GOLPH3: variants seen among roughly 807,000 people sequenced by gnomAD.
GOLPH3 encodes the protein coat protein GPP34.
A neutral mutation model predicts 28.5 loss-of-function variants in GOLPH3; 14 were observed. The observed-to-expected ratio is 0.49, with a 90% CI of 0.32 to 0.77. The LOEUF (loss-of-function observed/expected upper bound fraction) is 0.77. Among genes scored for constraint, GOLPH3 ranks in the 30% least tolerant of loss-of-function variants. The probability of loss-of-function intolerance (pLI) is 0.03; values close to 1 mark genes in which losing one functional copy is unlikely to be tolerated. For synonymous variants in GOLPH3, 158 were observed against 159.2 expected (o/e 0.99, Z 0.06); for missense variants, 350 against 393.7 (o/e 0.89, Z 0.94).
intron 2 of GOLPH3, among the ~76,000 whole-genome samples, chr5:32,138,170 G>C (rs1430159060): frequency 1.3e-5 from 2 of 152,048 alleles, no homozygotes; most frequent in Non-Finnish European, 2.9e-5. Flanking sequence ...CCAAAGTGCT[G>C]GGATTGCAAG....
chr5:32,142,972 G>A (rs1165397808), intron 2 of GOLPH3, among the ~76,000 whole-genome samples: 7 of 152,114 alleles, frequency 4.6e-5, no homozygotes, highest in African/African-American at 1.4e-4. Flanking sequence ...CACTGAGAAC[G>A]GGCCATGATG....
rs537119090 is a variant in GOLPH3, at chr5:32,148,963, G to A, written c.226-5083C>T. Among the ~76,000 whole-genome samples, 6 of 152,048 alleles carry A rather than the reference G, an allele frequency of 3.9e-5. No homozygotes were observed. The South Asian group carries it at 6.2e-4, about 16-fold the overall frequency. ...GCACCCCAGCCTGGGCAACAAGAGC[G>A]AAACTCCATCTCAAAAAAAAAGAAA... On this transcript the variant is annotated intron_variant, in intron 1 of 3. Transcript: ENST00000265070.
At chr5:32,136,927 C>G (rs929715478) in intron 2 of GOLPH3, among the ~76,000 whole-genome samples, 8 of 152,100 alleles carry the variant, frequency 5.3e-5, no homozygotes, top group African/African-American at 1.9e-4. Context: ...AACTTGCTAA[C>G]AAATTATAGA....
chr5:32,148,579 C>CTT (rs2111865208), intron 1 of GOLPH3, among the ~76,000 whole-genome samples: 1 of 152,262 alleles, frequency 6.6e-6, no homozygotes, highest in African/African-American at 2.4e-5. Context: ...GGGCAGATCA[C>CTT]GATGTCAGGA....
At chr5:32,170,556 T>A (rs368803992) in intron 1 of GOLPH3, among the ~76,000 whole-genome samples, 1 of 152,152 alleles carries the variant, frequency 6.6e-6, no homozygotes, top group Non-Finnish European at 1.5e-5. Flanking sequence ...AATTCCTGCC[T>A]CCTAAAAAGA....
At chr5:32,136,658 G>A (rs1415109112) in intron 2 of GOLPH3, among the ~76,000 whole-genome samples, 3 of 152,146 alleles carry the variant, frequency 2.0e-5, no homozygotes, top group Admixed American at 6.5e-5. Flanking sequence ...CAGGCTGAAC[G>A]TCCCTAATCC....
At chr5:32,128,206 A>T (rs1193917130) in intron 3 of GOLPH3, among the ~76,000 whole-genome samples, 1 of 152,250 alleles carries the variant, frequency 6.6e-6, no homozygotes, top group Non-Finnish European at 1.5e-5. Context: ...CAATTCTAAG[A>T]GTTCAGTAGA....
At chr5:32,130,075 T>C (rs1046857911) in intron 3 of GOLPH3, among the ~76,000 whole-genome samples, 7 of 152,158 alleles carry the variant, frequency 4.6e-5, no homozygotes, top group African/African-American at 1.7e-4. Flanking sequence ...TCTCCTGACA[T>C]CGTGATCCAC....
At chr5:32,138,786 C>A (rs1385645760) in intron 2 of GOLPH3, among the ~76,000 whole-genome samples, 1 of 152,146 alleles carries the variant, frequency 6.6e-6, no homozygotes, top group Non-Finnish European at 1.5e-5. Context: ...ATGTATGTAG[C>A]TAGTAGCTAC....
At position 32,165,981 on chromosome 5, in the gene GOLPH3, A is replaced by T. The variant is rs57225957; in HGVS notation, c.225+7829T>A. 3.0e-3 allele frequency among the ~76,000 whole-genome samples: 454 copies of T among 152,358 alleles called. 2 individuals are homozygous for T. Among genetic ancestry groups the T allele is most frequent in the African/African-American group, 0.011 (444 of 41,588 alleles). On this transcript the variant is annotated intron_variant, in intron 1 of 3. Coordinates refer to ENST00000265070, the MANE Select transcript of GOLPH3 (RefSeq NM_022130.4). ...GGAAAAAGAAAAGACGAAAACCTTA[A>T]GCTAAAACAAACAGTTCCTGTTTGG...
In GOLPH3 at chr5:32,126,098, A is replaced by C; in HGVS notation, c.*114T>G. On this transcript the variant is annotated 3_prime_UTR_variant, in exon 4 of 4. Transcript: ENST00000265070. ...AGAAAAAGCCACCCACCATTTTGTA[A>C]AACAGAAGCCAATTATAGTGTGGGA... 8.9e-7 allele frequency: 1 copy of C among 1,125,056 alleles called. No individual in the cohort carries two copies. The highest frequency in any genetic ancestry group is 1.3e-6 in the Non-Finnish European group (1 of 784,802). 69.7% of individuals were successfully genotyped at this position (1,125,056 alleles called of 1,614,324 possible). A position where few individuals can be genotyped will look rare whatever the true frequency, so the allele number is the denominator to read the frequency against.
intron 2 of GOLPH3, among the ~76,000 whole-genome samples, chr5:32,140,934 G>A (rs939940332): frequency 2.6e-5 from 4 of 152,168 alleles, no homozygotes; most frequent in Admixed American, 1.3e-4. Context: ...GGCCCAAGGC[G>A]AGCGGATCAC....
intron 1 of GOLPH3, among the ~76,000 whole-genome samples, chr5:32,169,775 T>C (rs1581560215): frequency 1.3e-5 from 2 of 152,322 alleles, no homozygotes; most frequent in South Asian, 4.1e-4. Context: ...TACTTGGCAG[T>C]TGAATTTAGG....
Position 32,143,732 on chromosome 5 carries a change from C to T in GOLPH3, c.357+17G>A. On this transcript the variant is annotated intron_variant, in intron 2 of 3. Coordinates refer to ENST00000265070, the MANE Select transcript of GOLPH3 (RefSeq NM_022130.4). ...TACAACCTCTTTAAAAAGAATGTTA[C>T]TCAGCACTCCTCTTACCTTTCTTGT... 1 of 1,598,346 alleles carries T rather than the reference C, an allele frequency of 6.3e-7. No individual in the cohort carries two copies. The highest frequency in any genetic ancestry group is 8.5e-7 in the Non-Finnish European group (1 of 1,174,238).
At chr5:32,139,691 T>C (rs1459215009) in intron 2 of GOLPH3, among the ~76,000 whole-genome samples, 1 of 152,196 alleles carries the variant, frequency 6.6e-6, no homozygotes, top group Non-Finnish European at 1.5e-5. Flanking sequence ...AGCTTCTTTT[T>C]TTGGGGGGAC....
At chr5:32,151,218 CT>C (rs34927671) in intron 1 of GOLPH3, among the ~76,000 whole-genome samples, 5,692 of 135,132 alleles carry the variant, frequency 0.042, 180 homozygotes, top group East Asian at 0.18. Context: ...AATAAAGTTG[CT>C]TTTTTTTTTT....
rs1217679594 is a variant in GOLPH3 at position 32,173,834 on chromosome 5, G to C, written c.201C>G (p.Leu67=). The change falls in exon 1 of 4, where the codon CTC becomes CTG. Residue 67 remains leucine, a synonymous_variant. Transcript: ENST00000265070. Reference sequence around the variant, plus strand: ...CCTCGCGGTCCTTGAGGCCCAGCAGGAGCACTTCCTCCATCAGGGTCAGCC... The same window carrying C: ...CCTCGCGGTCCTTGAGGCCCAGCAGCAGCACTTCCTCCATCAGGGTCAGCC... ...ETRLTLMEEV[L]LLGLKDREGY... 1 of 1,500,412 alleles carries C rather than the reference G, an allele frequency of 6.7e-7. No homozygotes were observed. Among genetic ancestry groups the C allele is most frequent in the Non-Finnish European group, 8.9e-7 (1 of 1,125,756 alleles). The allele number at this position is 1,500,412 out of a possible 1,614,324, so 92.9% of individuals were successfully genotyped here.
At chr5:32,169,448 A>G (rs1407017976) in intron 1 of GOLPH3, among the ~76,000 whole-genome samples, 1 of 152,240 alleles carries the variant, frequency 6.6e-6, no homozygotes, top group African/African-American at 2.4e-5. Context: ...CTTAAATTAT[A>G]TGTAAAAGCC....
At chr5:32,146,700 GA>G (rs1746185257) in intron 1 of GOLPH3, among the ~76,000 whole-genome samples, 1 of 152,150 alleles carries the variant, frequency 6.6e-6, no homozygotes, top group Non-Finnish European at 1.5e-5. Flanking sequence ...GATATAACCG[GA>G]AGTATAAGAT....
Sources: gnomAD v4.1 joint callset for allele counts (sites outside exome capture counted in the v4.1 genomes callset) on GRCh38, gnomAD v4.1.1 for gene constraint, MANE v1.5 for transcripts, NCBI Gene and HGNC (gene_info 2026-07-23, HGNC 2026-07-21) for gene names.